Variants in SUPT3H observed in about 807,000 individuals in gnomAD.
The protein encoded by SUPT3H is transcription initiation protein SPT3 homolog.
Under a neutral mutation model 44.3 loss-of-function variants are expected in SUPT3H, and 44 were observed. The observed-to-expected ratio is 0.99, with a 90% confidence interval of 0.78 to 1.28. SUPT3H has a LOEUF of 1.28. Ranked by LOEUF, SUPT3H falls within the 50% of genes most tolerant of loss-of-function variation. The pLI, the probability that SUPT3H is intolerant of heterozygous loss-of-function variation, is 0.00. For synonymous variants in SUPT3H, 124 were observed against 125.6 expected, an observed-to-expected ratio of 0.99 and a Z score of 0.09; for missense variants, 380 against 387.1, an observed-to-expected ratio of 0.98 and a Z score of 0.15.
At chr6:44,885,418 C>A (rs1022522156) in intron 10 of SUPT3H, among the ~76,000 whole-genome samples, 4 of 152,090 alleles carry the variant, frequency 2.6e-5, no homozygotes, top group Non-Finnish European at 5.9e-5. Flanking sequence ...TGAGACAAAA[C>A]TTCCAGAGGA....
chr6:45,319,139 G>A (rs1785115061), intron 2 of SUPT3H, among the ~76,000 whole-genome samples: 1 of 152,076 alleles, frequency 6.6e-6, no homozygotes, highest in East Asian at 1.9e-4. Context: ...TTTTGGGTTT[G>A]TATATGTGTG....
In SUPT3H at chr6:45,111,436, T is replaced by A. The variant is rs898357984; in HGVS notation, c.102-5430A>T. Among the ~76,000 whole-genome samples, 4 of 152,144 alleles carry A rather than the reference T, an allele frequency of 2.6e-5. No individual in the cohort carries two copies. The South Asian group carries it at 6.2e-4, about 24-fold the overall frequency. On this transcript the variant is annotated intron_variant, in intron 2 of 10. Coordinates refer to ENST00000371459, the MANE Select transcript of SUPT3H (RefSeq NM_003599.4). ...TTATCAGCATGACCAATCACCCTAG[T>A]TTGCCTGGGATTGAGGGGTTTTCCA...
chr6:45,269,155 A>T (rs1245467998), intron 2 of SUPT3H, among the ~76,000 whole-genome samples: 2 of 152,188 alleles, frequency 1.3e-5, no homozygotes, highest in Non-Finnish European at 2.9e-5. Context: ...TAACGGCAAA[A>T]CATGGTAACA....
At chr6:45,003,550 T>C (rs370831339) in intron 6 of SUPT3H, 103 bp downstream of exon 6, 11 of 1,373,690 alleles carry the variant, frequency 8.0e-6, no homozygotes, top group East Asian at 2.4e-5. Flanking sequence ...ACCACTGACT[T>C]AGAGATTTCA....
chr6:44,929,775 T>C (rs910911733), intron 10 of SUPT3H, among the ~76,000 whole-genome samples: 30 of 151,958 alleles, frequency 2.0e-4, no homozygotes, highest in African/African-American at 7.2e-4. Context: ...CTCCCTTTTT[T>C]TTTTTTTTTT....
intron 2 of SUPT3H, among the ~76,000 whole-genome samples, chr6:45,260,672 T>C (rs1361712229): frequency 6.6e-6 from 1 of 152,132 alleles, no homozygotes; most frequent in African/African-American, 2.4e-5. Context: ...CACCAACTTC[T>C]TGAGGAACAG....
At chr6:45,279,317 A>C (rs1250696183) in intron 2 of SUPT3H, among the ~76,000 whole-genome samples, 1 of 152,198 alleles carries the variant, frequency 6.6e-6, no homozygotes, top group Non-Finnish European at 1.5e-5. Context: ...GAAACCATTT[A>C]AGTAGAGGTT....
chr6:44,973,472 A>G (rs1037463402), intron 6 of SUPT3H, among the ~76,000 whole-genome samples: 12 of 152,118 alleles, frequency 7.9e-5, no homozygotes, highest in Non-Finnish European at 1.6e-4. Flanking sequence ...AAACTTTCCT[A>G]CATCTTCATG....
rs80158000 is a variant in SUPT3H at position 44,858,782 on chromosome 6, G to A, written c.913-28925C>T. On this transcript the variant is annotated intron_variant, in intron 10 of 10. Coordinates refer to ENST00000371459, the MANE Select transcript of SUPT3H (RefSeq NM_003599.4). ...ATAATTATTTTTAACTGTGTCAACAGAGCTTTGTTCCTATGGCTGTCTAGG... is the reference window on the plus strand; with the variant it reads ...ATAATTATTTTTAACTGTGTCAACAAAGCTTTGTTCCTATGGCTGTCTAGG... Among the ~76,000 whole-genome samples, 1,075 of 152,270 alleles carry A rather than the reference G, an allele frequency of 7.1e-3. 20 individuals carry two copies. Among genetic ancestry groups the A allele is most frequent in the African/African-American group, 0.025 (1,021 of 41,536 alleles).
At chr6:45,074,768 T>C (rs895963974) in intron 3 of SUPT3H, among the ~76,000 whole-genome samples, 18 of 151,998 alleles carry the variant, frequency 1.2e-4, no homozygotes, top group Admixed American at 9.2e-4. Context: ...CTGTCAAAAC[T>C]CCCTGAGTTA....
intron 2 of SUPT3H, among the ~76,000 whole-genome samples, chr6:45,233,454 A>T (rs1290551479): frequency 1.3e-5 from 2 of 152,168 alleles, no homozygotes; most frequent in Non-Finnish European, 2.9e-5. Context: ...GAGGTCTTTA[A>T]ATGGCTACTC....
At chr6:44,900,220 A>T (rs1764754337) in intron 10 of SUPT3H, among the ~76,000 whole-genome samples, 1 of 152,204 alleles carries the variant, frequency 6.6e-6, no homozygotes, top group Non-Finnish European at 1.5e-5. Context: ...GAAGTAGGGC[A>T]AGGCATTGCC....
At chr6:45,119,935 A>G (rs1286072091) in intron 2 of SUPT3H, among the ~76,000 whole-genome samples, 1 of 152,170 alleles carries the variant, frequency 6.6e-6, no homozygotes, top group Non-Finnish European at 1.5e-5. Flanking sequence ...TAATAATGAT[A>G]GTTATGACAA....
At chr6:45,126,507 A>C (rs1802448702) in intron 2 of SUPT3H, among the ~76,000 whole-genome samples, 1 of 152,220 alleles carries the variant, frequency 6.6e-6, no homozygotes, top group Non-Finnish European at 1.5e-5. Flanking sequence ...TTTTTTTTTA[A>C]CTTAGGCAAA....
chr6:44,999,265 A>G (rs1166637258), intron 6 of SUPT3H, among the ~76,000 whole-genome samples: 1 of 151,924 alleles, frequency 6.6e-6, no homozygotes, highest in African/African-American at 2.4e-5. Context: ...ATGGTTGAAT[A>G]GTGTTTCGGT....
chr6:45,180,496 CAT>C (rs1812941597), intron 2 of SUPT3H, among the ~76,000 whole-genome samples: 1 of 137,460 alleles, frequency 7.3e-6, no homozygotes, highest in Non-Finnish European at 1.6e-5. Context: ...ACCAAAACAG[CAT>C]GGTACTGGTA....
chr6:45,231,149 T>C (rs544659911), intron 2 of SUPT3H, among the ~76,000 whole-genome samples: 4 of 152,294 alleles, frequency 2.6e-5, no homozygotes, highest in African/African-American at 7.2e-5. Context: ...ACCATTTGAG[T>C]CTTTTTTTCT....
Position 44,903,882 on chromosome 6 carries a change from A to C in SUPT3H, c.912+28771T>G, listed in dbSNP as rs534688551. 1.7e-4 allele frequency among the ~76,000 whole-genome samples: 26 copies of C among 152,250 alleles called. No homozygotes were observed. The East Asian group carries it at 3.1e-3, about 18-fold the overall frequency. On this transcript the variant is annotated intron_variant, in intron 10 of 10. Transcript: ENST00000371459. ...GGATGCAAGGCTGGTTCAACATACG[A>C]AAATCAATAAACCTAATCCAGCATA...
chr6:45,307,541 A>G (rs899170551), intron 2 of SUPT3H, among the ~76,000 whole-genome samples: 2 of 152,240 alleles, frequency 1.3e-5, no homozygotes, highest in Admixed American at 1.3e-4. Context: ...ACTCCAACAG[A>G]CATGCAGCTG....
Sources: gnomAD v4.1 joint callset for allele counts (sites outside exome capture counted in the v4.1 genomes callset) on GRCh38, gnomAD v4.1.1 for gene constraint, MANE v1.5 for transcripts, NCBI Gene and HGNC (gene_info 2026-07-23, HGNC 2026-07-21) for gene names.